Variants in CDC42BPA observed in about 807,000 individuals in gnomAD.
CDC42BPA encodes the protein CDC42 binding protein kinase alpha.
In CDC42BPA, 80 loss-of-function variants were observed where a neutral mutation model predicts 223.5. That is an observed-to-expected ratio of 0.36 (90% CI 0.30 to 0.43). The LOEUF (loss-of-function observed/expected upper bound fraction) is 0.43. Ranked by LOEUF, CDC42BPA falls within the 20% of genes least tolerant of loss-of-function variation. The pLI, the probability that CDC42BPA is intolerant of heterozygous loss-of-function variation, is 1.00. For missense variants in CDC42BPA, 1,743 were observed against 2,099.9 expected (o/e 0.83, Z 3.32); for synonymous variants, 694 against 718.6 (o/e 0.97, Z 0.55).
chr1:227,196,002 A>G (rs191788324), intron 4 of CDC42BPA, among the ~76,000 whole-genome samples: 167 of 152,314 alleles, frequency 1.1e-3, no homozygotes, highest in Non-Finnish European at 1.7e-3. Context: ...CTGAACCTCA[A>G]TAGTCACTAG....
chr1:227,017,974 G>A (rs1666624243), intron 32 of CDC42BPA, among the ~76,000 whole-genome samples: 1 of 151,420 alleles, frequency 6.6e-6, no homozygotes. Context: ...TGATCCTCGT[G>A]GCATAATCAT....
chr1:227,194,092 C>G (rs1351967897), intron 4 of CDC42BPA, among the ~76,000 whole-genome samples, 158 bp from the exon 5 acceptor site: 2 of 152,158 alleles, frequency 1.3e-5, no homozygotes. Context: ...GATCAGCAGT[C>G]ATTACAAAAC....
chr1:227,249,899 G>A (rs1287352497), intron 2 of CDC42BPA, among the ~76,000 whole-genome samples: 1 of 151,984 alleles, frequency 6.6e-6, no homozygotes, highest in South Asian at 2.1e-4. Context: ...CACAAGAGGG[G>A]GACTGTAGTC....
intron 1 of CDC42BPA, among the ~76,000 whole-genome samples, chr1:227,285,802 C>A (rs915778565): frequency 1.3e-5 from 2 of 152,164 alleles, no homozygotes; most frequent in Non-Finnish European, 2.9e-5. Context: ...GTCAGCAAAC[C>A]CTAGTTAAAA....
At chr1:227,001,643 A>T (rs926175389) in intron 35 of CDC42BPA, among the ~76,000 whole-genome samples, 66 of 152,338 alleles carry the variant, frequency 4.3e-4, no homozygotes, top group African/African-American at 1.3e-3. Flanking sequence ...GCGGTGGGTC[A>T]CGCCTGTAAT....
intron 5 of CDC42BPA, chr1:227,178,450 C>T (rs111316042): frequency 0.17 from 25,277 of 152,806 alleles, 2,262 homozygotes; most frequent in Non-Finnish European, 0.19. Context: ...TCCAATTAAA[C>T]CTCTTTCTTT....
At chr1:226,998,704 C>A (rs1469552095) in intron 35 of CDC42BPA, among the ~76,000 whole-genome samples, 1 of 152,060 alleles carries the variant, frequency 6.6e-6, no homozygotes, top group African/African-American at 2.4e-5. Flanking sequence ...AGAAGAAAAC[C>A]TAGGCAATAC....
chr1:227,168,466 C>T (rs1302187931), intron 5 of CDC42BPA, among the ~76,000 whole-genome samples: 2 of 136,738 alleles, frequency 1.5e-5, no homozygotes, highest in African/African-American at 5.5e-5. Context: ...TGAACCTTGA[C>T]ATGGCCTTTT....
intron 5 of CDC42BPA, among the ~76,000 whole-genome samples, chr1:227,162,536 A>T (rs1664105024): frequency 6.6e-6 from 1 of 152,214 alleles, no homozygotes. Context: ...ATTATGCTTC[A>T]TCAGCTGGGT....
At chr1:227,260,203 GA>G (rs1224999037) in intron 1 of CDC42BPA, among the ~76,000 whole-genome samples, 1 of 150,880 alleles carries the variant, frequency 6.6e-6, no homozygotes, top group Non-Finnish European at 1.5e-5. Flanking sequence ...TACAGATGCT[GA>G]AATTAAGAGA....
At chr1:227,304,067 G>A (rs1036145668) in intron 1 of CDC42BPA, among the ~76,000 whole-genome samples, 6 of 152,110 alleles carry the variant, frequency 3.9e-5, no homozygotes, top group Admixed American at 6.6e-5. Flanking sequence ...TTTACAAATT[G>A]CCAACTGCTA....
intron 20 of CDC42BPA, among the ~76,000 whole-genome samples, chr1:227,070,924 T>G (rs999124170): frequency 2.6e-5 from 4 of 151,882 alleles, no homozygotes; most frequent in Non-Finnish European, 5.9e-5. Flanking sequence ...TCTGCACTAG[T>G]CTCTCTCCTA....
intron 5 of CDC42BPA, among the ~76,000 whole-genome samples, chr1:227,180,206 AAATC>A (rs201108821): frequency 4.6e-5 from 7 of 152,112 alleles, no homozygotes; most frequent in Non-Finnish European, 1.0e-4. Flanking sequence ...ATTCCGTCAT[AAATC>A]AATCAATCAA....
chr1:227,237,040 C>T (rs1355038456), intron 2 of CDC42BPA, among the ~76,000 whole-genome samples: 17 of 96,102 alleles, frequency 1.8e-4, no homozygotes, highest in African/African-American at 5.8e-4. Flanking sequence ...GAGACCCGGT[C>T]TCCACAAAAA....
In CDC42BPA at chr1:227,281,989, C is replaced by T. The variant is rs946865815; in HGVS notation, c.179-27834G>A. 4.0e-5 allele frequency among the ~76,000 whole-genome samples: 6 copies of T among 151,562 alleles called. No individual in the cohort carries two copies. The South Asian group carries it at 8.3e-4, about 21-fold the overall frequency. Reference sequence around the variant, plus strand: ...TGGATCACTTGAGGTCGGGAGTTCGCGACCAGCCTGACCAACATGGAGAAA... The same window carrying T: ...TGGATCACTTGAGGTCGGGAGTTCGTGACCAGCCTGACCAACATGGAGAAA... On this transcript the variant is annotated intron_variant, in intron 1 of 36. Transcript: ENST00000366766.
chr1:227,313,965 A>T (rs1693956978), intron 1 of CDC42BPA, among the ~76,000 whole-genome samples: 1 of 148,272 alleles, frequency 6.7e-6, no homozygotes, highest in South Asian at 2.2e-4. Flanking sequence ...ATAGTTATCC[A>T]TGTACAGACA....
chr1:227,278,518 GC>G (rs1344299745), intron 1 of CDC42BPA, among the ~76,000 whole-genome samples: 25 of 152,294 alleles, frequency 1.6e-4, no homozygotes, highest in African/African-American at 5.5e-4. Context: ...TTCCAAAACA[GC>G]CTTTAAAATT....
chr1:227,276,199 C>T (rs12402087), intron 1 of CDC42BPA, among the ~76,000 whole-genome samples: 46,133 of 150,298 alleles, frequency 0.31, 7,207 homozygotes, highest in East Asian at 0.37. Context: ...ATGTGGGGAG[C>T]GCCTCTGCCC....
intron 16 of CDC42BPA, among the ~76,000 whole-genome samples, chr1:227,089,630 T>G: frequency 2.4e-5 from 2 of 83,862 alleles, no homozygotes; most frequent in South Asian, 9.6e-4. Context: ...TAATTCCGTT[T>G]TTTTTTTTTT....
Sources: allele counts gnomAD v4.1 joint callset (sites outside exome capture counted in the v4.1 genomes callset), GRCh38; gene constraint gnomAD v4.1.1; transcripts MANE v1.5; gene names NCBI Gene and HGNC (gene_info 2026-07-23, HGNC 2026-07-21).